The following SPIRE1 variants were observed in gnomAD, a reference collection of about 807,000 sequenced individuals.
The protein encoded by SPIRE1 is spire type actin nucleation factor 1, also known as protein spire homolog 1.
SPIRE1 carries 40 observed loss-of-function variants against 94.1 expected under a neutral mutation model. The ratio of observed to expected loss-of-function variants is 0.43; its 90% CI spans 0.33 to 0.55. SPIRE1 has a LOEUF of 0.55. Among genes scored for constraint, SPIRE1 ranks in the 20% least tolerant of loss-of-function variants. The pLI is 0.06. For synonymous variants in SPIRE1, 376 were observed against 371.7 expected (o/e 1.01, Z -0.13); for missense variants, 838 against 975.2 (o/e 0.86, Z 1.87).
At chr18:12,516,758 C>T (rs2034207981) in intron 4 of SPIRE1, among the ~76,000 whole-genome samples, 1 of 152,130 alleles carries the variant, frequency 6.6e-6, no homozygotes, top group African/African-American at 2.4e-5. Context: ...AACTCTTTTG[C>T]TTCAATGCCC....
chr18:12,458,011 A>AT (rs1175629275), intron 12 of SPIRE1, among the ~76,000 whole-genome samples: 3 of 151,370 alleles, frequency 2.0e-5, no homozygotes, highest in South Asian at 2.1e-4. Context: ...AGCCCAGCTA[A>AT]TTTTTTGTAT....
At chr18:12,481,465 A>T (rs951921788) in intron 9 of SPIRE1, among the ~76,000 whole-genome samples, 2 of 152,026 alleles carry the variant, frequency 1.3e-5, no homozygotes, top group Non-Finnish European at 2.9e-5. Flanking sequence ...AATGATATAT[A>T]TCTTATTTAA....
At chr18:12,525,749 A>G (rs2034502574) in intron 4 of SPIRE1, among the ~76,000 whole-genome samples, 1 of 152,156 alleles carries the variant, frequency 6.6e-6, no homozygotes, top group Non-Finnish European at 1.5e-5. Context: ...TCTGTTTTAA[A>G]GCAAAAACTA....
intron 1 of SPIRE1, among the ~76,000 whole-genome samples, chr18:12,654,896 C>T (rs2038492663): frequency 6.6e-6 from 1 of 151,856 alleles, no homozygotes; most frequent in Non-Finnish European, 1.5e-5. Flanking sequence ...GGCGTGGTGG[C>T]ATGCGCCTAT....
chr18:12,492,361 A>G (rs1161981380), intron 8 of SPIRE1, among the ~76,000 whole-genome samples: 1 of 152,212 alleles, frequency 6.6e-6, no homozygotes, highest in Non-Finnish European at 1.5e-5. Flanking sequence ...TTACAAACTG[A>G]AAGACAGTCG....
At chr18:12,456,536 G>A (rs947154170) in intron 12 of SPIRE1, among the ~76,000 whole-genome samples, 5 of 152,136 alleles carry the variant, frequency 3.3e-5, no homozygotes, top group South Asian at 2.1e-4. Context: ...CACATAACCA[G>A]GGAAACACTA....
chr18:12,470,427 C>T (rs1322454518), intron 10 of SPIRE1, among the ~76,000 whole-genome samples: 1 of 152,186 alleles, frequency 6.6e-6, no homozygotes, highest in Non-Finnish European at 1.5e-5. Flanking sequence ...TAATGGCCCA[C>T]TGTCCCTGAA....
In SPIRE1 at chr18:12,449,468, C is replaced by G. The variant is rs1233038360; in HGVS notation, c.*170G>C. On this transcript the variant is annotated 3_prime_UTR_variant, in exon 17 of 17. Transcript: ENST00000409402. ...GGCGGACCTGTCACGTTTCATCAAT[C>G]GATACGAACACAGCATTCAGTCTGT... The G allele has an allele frequency of 8.7e-6, 6 of 688,940 alleles. No individual in the cohort carries two copies. The highest frequency in any genetic ancestry group is 1.4e-5 in the Non-Finnish European group (6 of 419,608). 42.7% of individuals were successfully genotyped at this position (688,940 alleles called of 1,614,324 possible). A position where few individuals can be genotyped will look rare whatever the true frequency, so the allele number is the denominator to read the frequency against.
chr18:12,584,415 G>A (rs976905628), intron 2 of SPIRE1, among the ~76,000 whole-genome samples: 92 of 151,334 alleles, frequency 6.1e-4, no homozygotes, highest in African/African-American at 2.1e-3. Flanking sequence ...GGGCAACAGA[G>A]CAAAACTCCA....
intron 2 of SPIRE1, among the ~76,000 whole-genome samples, chr18:12,569,300 C>T (rs1288826953): frequency 6.8e-6 from 1 of 147,090 alleles, no homozygotes; most frequent in Non-Finnish European, 1.5e-5. Flanking sequence ...GAGATCACAC[C>T]AATGCACTCC....
chr18:12,571,398 T>A (rs2035957859), intron 2 of SPIRE1, among the ~76,000 whole-genome samples: 1 of 152,164 alleles, frequency 6.6e-6, no homozygotes, highest in East Asian at 1.9e-4. Flanking sequence ...AACAATTATT[T>A]TAGCTTGGTA....
intron 16 of SPIRE1, among the ~76,000 whole-genome samples, chr18:12,451,702 C>T (rs1420253727): frequency 3.3e-5 from 5 of 152,250 alleles, no homozygotes; most frequent in African/African-American, 1.2e-4. Flanking sequence ...GAGGCTTGAG[C>T]TGGCCTACCT....
intron 2 of SPIRE1, among the ~76,000 whole-genome samples, chr18:12,611,841 T>C (rs896571699): frequency 1.1e-4 from 17 of 151,744 alleles, no homozygotes; most frequent in African/African-American, 3.9e-4. Flanking sequence ...TTTTCTTTTT[T>C]TTTTTGTATT....
rs145069152 is a variant in SPIRE1 at position 12,554,895 on chromosome 18, C to T, written c.373-7991G>A. The stretch of plus-strand genomic sequence containing the variant: ...TTGAAAAAGTTTCATTTGTCTTATC[C>T]AAGTTCCTTTCTCAGGAAACCACCC... On this transcript the variant is annotated intron_variant, in intron 2 of 16. Transcript: ENST00000409402. Among the ~76,000 whole-genome samples the T allele has an allele frequency of 4.4e-3, 664 of 152,196 alleles. 1 individual carries two copies. The highest frequency in any genetic ancestry group is 6.8e-3 in the Middle Eastern group (2 of 294).
At chr18:12,574,659 T>C (rs943245242) in intron 2 of SPIRE1, among the ~76,000 whole-genome samples, 5 of 152,200 alleles carry the variant, frequency 3.3e-5, no homozygotes, top group African/African-American at 1.2e-4. Context: ...TACAGTGGGA[T>C]TCCCTGGCAT....
chr18:12,535,674 G>GGGGGGCGGCTCGGAAACCCCAGCGGA, intron 3 of SPIRE1, 73 bp from the exon 4 acceptor site: 1 of 1,426,240 alleles, frequency 7.0e-7, no homozygotes, highest in Non-Finnish European at 9.6e-7. Flanking sequence ...AAACAGACAC[G>GGGGGGCGGCTCGGAAACCCCAGCGGA]AGCAGAGTGC....
intron 8 of SPIRE1, among the ~76,000 whole-genome samples, 161 bp downstream of exon 8, chr18:12,492,885 TGAGGGGGTATGTATATGAGAGAGTGA>T (rs1384251399): frequency 6.6e-6 from 1 of 151,864 alleles, no homozygotes; most frequent in Admixed American, 6.6e-5. Flanking sequence ...CAAGTAAGTG[TGAGGGGGTATGTATATGAGAGAGTGA>T]GAGGGGGTAT....
At chr18:12,625,242 C>T (rs1432680806) in intron 2 of SPIRE1, among the ~76,000 whole-genome samples, 1 of 152,148 alleles carries the variant, frequency 6.6e-6, no homozygotes, top group Non-Finnish European at 1.5e-5. Context: ...ACACAATTTC[C>T]TCTGAGGACG....
intron 2 of SPIRE1, among the ~76,000 whole-genome samples, chr18:12,623,258 A>G (rs1382204324): frequency 6.6e-6 from 1 of 151,490 alleles, no homozygotes; most frequent in African/African-American, 2.4e-5. Context: ...GGTTCATGCC[A>G]TTCTCCTGCC....
Sources: gnomAD v4.1 joint callset for allele counts (sites outside exome capture counted in the v4.1 genomes callset) on GRCh38, gnomAD v4.1.1 for gene constraint, MANE v1.5 for transcripts, NCBI Gene and HGNC (gene_info 2026-07-23, HGNC 2026-07-21) for gene names.